Variants in TANC2 observed in about 807,000 individuals in gnomAD.
TANC2 encodes the protein protein TANC2.
A neutral mutation model predicts 210.5 loss-of-function variants in TANC2; 26 were observed. That is an observed-to-expected ratio of 0.12 (90% CI 0.09 to 0.17). The LOEUF (loss-of-function observed/expected upper bound fraction) is 0.17. Among genes scored for constraint, TANC2 ranks in the 10% least tolerant of loss-of-function variants. The probability of loss-of-function intolerance (pLI) is 1.00; values close to 1 mark genes in which losing one functional copy is unlikely to be tolerated. For missense variants in TANC2, 2,129 were observed against 2,608.9 expected, an observed-to-expected ratio of 0.82 and a Z score of 4.01; for synonymous variants, 931 against 967.1, an observed-to-expected ratio of 0.96 and a Z score of 0.69.
At chr17:63,069,397 G>T (rs1391413585) in intron 2 of TANC2, among the ~76,000 whole-genome samples, 7 of 152,094 alleles carry the variant, frequency 4.6e-5, no homozygotes, top group Non-Finnish European at 1.0e-4. Context: ...AATGTCCCTA[G>T]AAGTCCGTGG....
chr17:63,015,050 G>C (rs2034041832), intron 2 of TANC2, among the ~76,000 whole-genome samples: 1 of 151,792 alleles, frequency 6.6e-6, no homozygotes. Flanking sequence ...AACCCTTAAT[G>C]AATAATTGGG....
At chr17:63,376,258 C>T (rs1392947768) in intron 14 of TANC2, among the ~76,000 whole-genome samples, 1 of 150,698 alleles carries the variant, frequency 6.6e-6, no homozygotes, top group Non-Finnish European at 1.5e-5. Context: ...ACAGTGAAAC[C>T]CCATCTCTAC....
rs1267411468 is a variant in TANC2, at chr17:63,031,075, T to G, written c.67+21449T>G. Among the ~76,000 whole-genome samples the G allele has an allele frequency of 3.3e-5, 5 of 150,276 alleles. No individual in the cohort carries two copies. In the Admixed American group the frequency reaches 3.4e-4, roughly 10 times the overall value. On this transcript the variant is annotated intron_variant, in intron 2 of 27. Coordinates refer to ENST00000689528, the Ensembl canonical transcript of TANC2. ...CAAAGCTGAGGACTGGGCCCCAAAC[T>G]ATAGGATTTTAGTATCAGAGGCCTG...
intron 1 of TANC2, among the ~76,000 whole-genome samples, chr17:63,005,629 T>G (rs1238535016): frequency 6.6e-6 from 1 of 152,170 alleles, no homozygotes; most frequent in African/African-American, 2.4e-5. Flanking sequence ...GGTTTTTTTT[T>G]GTTACTGTTA....
At chr17:63,098,515 G>GTAAAAATTTA (rs2037497463) in intron 3 of TANC2, among the ~76,000 whole-genome samples, 21 of 126,730 alleles carry the variant, frequency 1.7e-4, no homozygotes, top group Non-Finnish European at 2.5e-4. Flanking sequence ...CTCTCTGTGT[G>GTAAAAATTTA]TATATATATA....
At chr17:63,369,151 G>A (rs150326011) in intron 14 of TANC2, among the ~76,000 whole-genome samples, 2 of 152,194 alleles carry the variant, frequency 1.3e-5, no homozygotes, top group African/African-American at 4.8e-5. Context: ...TTATCTGATG[G>A]TATCATCTGA....
intron 2 of TANC2, among the ~76,000 whole-genome samples, chr17:63,037,334 T>G (rs547957718): frequency 5.3e-5 from 8 of 152,188 alleles, no homozygotes; most frequent in African/African-American, 1.9e-4. Context: ...ATCACACTAC[T>G]CAGTATGGGG....
chr17:63,387,310 T>C (rs2047816445), intron 15 of TANC2, among the ~76,000 whole-genome samples: 1 of 152,238 alleles, frequency 6.6e-6, no homozygotes, highest in African/African-American at 2.4e-5. Context: ...GCCTTTCCTC[T>C]AGTGTGAGAA....
chr17:63,237,718 G>A (rs183984953), intron 7 of TANC2, 96 bp from the exon 8 acceptor site: 2 of 1,298,394 alleles, frequency 1.5e-6, no homozygotes, highest in South Asian at 1.6e-5. Flanking sequence ...TGAAAATGGT[G>A]TCCTTTCCCC....
chr17:63,348,212 G>C (rs115482948), intron 12 of TANC2, among the ~76,000 whole-genome samples: 1 of 152,122 alleles, frequency 6.6e-6, no homozygotes, highest in Non-Finnish European at 1.5e-5. Context: ...CTCATGTGCC[G>C]AGATTCAGTT....
At chr17:63,419,395 T>A (rs769711037) in intron 27 of TANC2, among the ~76,000 whole-genome samples, 6 of 152,166 alleles carry the variant, frequency 3.9e-5, no homozygotes, top group African/African-American at 7.2e-5. Flanking sequence ...AATTAGAGTC[T>A]CCTTGGAGTC....
intron 9 of TANC2, among the ~76,000 whole-genome samples, chr17:63,295,906 C>T (rs1017575212): frequency 1.3e-5 from 2 of 152,160 alleles, no homozygotes; most frequent in African/African-American, 2.4e-5. Context: ...ACAACTGAGG[C>T]AGTCCTGGGT....
At chr17:63,060,256 C>T (rs1249295530) in intron 2 of TANC2, among the ~76,000 whole-genome samples, 1 of 152,214 alleles carries the variant, frequency 6.6e-6, no homozygotes, top group African/African-American at 2.4e-5. Flanking sequence ...CTTCCCCATT[C>T]ACTTATGGTT....
intron 3 of TANC2, among the ~76,000 whole-genome samples, chr17:63,089,899 C>T (rs1051107553): frequency 1.3e-5 from 2 of 151,790 alleles, no homozygotes; most frequent in Non-Finnish European, 2.9e-5. Context: ...CATAAGTGTA[C>T]AGTGAGTATG....
intron 7 of TANC2, among the ~76,000 whole-genome samples, chr17:63,205,344 C>CAAAAAAAAAAAAAAAAAAAAAAAAAAAA (rs1158768609): frequency 3.7e-4 from 3 of 8,070 alleles, no homozygotes; most frequent in Non-Finnish European, 4.8e-4. Context: ...ACCAAGGAGG[C>CAAAAAAAAAAAAAAAAAAAAAAAAAAAA]AAAAAAAAAA....
intron 2 of TANC2, among the ~76,000 whole-genome samples, chr17:63,027,993 C>CT (rs2034625119): frequency 6.6e-6 from 1 of 151,788 alleles, no homozygotes; most frequent in South Asian, 2.1e-4. Context: ...GGTTAACTTA[C>CT]TTTTTTCCAG....
At chr17:63,201,896 A>T (rs944243005) in intron 7 of TANC2, among the ~76,000 whole-genome samples, 1 of 152,190 alleles carries the variant, frequency 6.6e-6, no homozygotes, top group Non-Finnish European at 1.5e-5. Flanking sequence ...ACCTCTTGCT[A>T]TGAAAATCAT....
At position 63,420,647 on chromosome 17, in the gene TANC2, A is replaced by G; in HGVS notation, c.4917A>G (p.Arg1639=). The change falls in exon 28 of 28, where the codon AGA becomes AGG. Residue 1639 remains arginine (R), a synonymous_variant. Coordinates refer to ENST00000689528, the Ensembl canonical transcript of TANC2. This position sits in a 1 kb window ranked among gnomAD's most constrained non-coding sequence, Gnocchi z 4.2. ...CAGCTGAAAGTATGAGTGTCTATAG[A>G]TCCCAGTCTGGTTCACCCGTGCGCT... 2 of 1,613,714 alleles carry G rather than the reference A, an allele frequency of 1.2e-6. No individual in the cohort carries two copies. The highest frequency in any genetic ancestry group is 1.7e-6 in the Non-Finnish European group (2 of 1,179,786).
At chr17:63,134,197 A>G (rs981775805) in intron 4 of TANC2, among the ~76,000 whole-genome samples, 2 of 152,092 alleles carry the variant, frequency 1.3e-5, no homozygotes, top group African/African-American at 4.8e-5. Flanking sequence ...TACTTCTTGT[A>G]ATTTTTCATC....
Sources: allele counts gnomAD v4.1 joint callset (sites outside exome capture counted in the v4.1 genomes callset), GRCh38; gene constraint gnomAD v4.1.1; non-coding constraint Gnocchi (gnomAD v3.1); transcripts MANE v1.5; gene names NCBI Gene and HGNC (gene_info 2026-07-23, HGNC 2026-07-21).